The following CAMTA1 variants were observed in gnomAD, a reference collection of about 807,000 sequenced individuals.
The protein encoded by CAMTA1 is calmodulin binding transcription activator 1.
In CAMTA1, 27 loss-of-function variants were observed where a neutral mutation model predicts 170.9. That is an observed-to-expected ratio of 0.16 (90% confidence interval 0.12 to 0.22). The LOEUF (loss-of-function observed/expected upper bound fraction) is 0.22. Ranked by LOEUF, CAMTA1 falls within the 10% of genes least tolerant of loss-of-function variation. CAMTA1 has a pLI of 1.00. For missense variants in CAMTA1, 1,619 were observed against 2,217.2 expected, an observed-to-expected ratio of 0.73 and a Z score of 5.42; for synonymous variants, 833 against 891.5, an observed-to-expected ratio of 0.93 and a Z score of 1.17.
intron 3 of CAMTA1, among the ~76,000 whole-genome samples, chr1:6,884,047 C>T (rs1459337829): frequency 6.6e-6 from 1 of 152,052 alleles, no homozygotes; most frequent in Non-Finnish European, 1.5e-5. Context: ...CCTTACTGGA[C>T]AGCTCATGGG....
chr1:7,187,868 T>C (rs547150892), intron 4 of CAMTA1, among the ~76,000 whole-genome samples: 1 of 152,344 alleles, frequency 6.6e-6, no homozygotes, highest in East Asian at 1.9e-4. Context: ...GACAGCTCTT[T>C]TGATGCAGGA....
intron 7 of CAMTA1, among the ~76,000 whole-genome samples, chr1:7,655,533 T>A (rs914299631): frequency 1.1e-4 from 15 of 139,488 alleles, no homozygotes. Context: ...CCCACACACA[T>A]ACACACTGAT....
At chr1:6,898,344 G>A (rs1676110729) in intron 3 of CAMTA1, among the ~76,000 whole-genome samples, 2 of 152,152 alleles carry the variant, frequency 1.3e-5, no homozygotes, top group Non-Finnish European at 2.9e-5. Flanking sequence ...ACGAGGTCAG[G>A]AGATCGAGAC....
At chr1:6,852,613 C>T (rs1660822205) in intron 3 of CAMTA1, among the ~76,000 whole-genome samples, 4 of 152,200 alleles carry the variant, frequency 2.6e-5, no homozygotes, top group Admixed American at 2.0e-4. Flanking sequence ...TCAGGAACAG[C>T]TAAAAGAGAG....
At chr1:7,684,929 G>C (rs1290613851) in intron 11 of CAMTA1, among the ~76,000 whole-genome samples, 1 of 152,188 alleles carries the variant, frequency 6.6e-6, no homozygotes. Flanking sequence ...GTTGTGCACG[G>C]GGTTCTGCCC....
In CAMTA1 at chr1:7,674,132, G is replaced by A. The variant is rs1213439696; in HGVS notation, c.2779+3095G>A. 3.9e-5 allele frequency among the ~76,000 whole-genome samples: 6 copies of A among 152,142 alleles called. No homozygotes were observed. In the South Asian group the frequency reaches 1.2e-3, roughly 32 times the overall value. On this transcript the variant is annotated intron_variant, in intron 10 of 22. Transcript: ENST00000303635. This position sits in a 1 kb window ranked among gnomAD's most constrained non-coding sequence, Gnocchi z 4.1. ...AAGCCAGGAACGACACGGGAGGAGG[G>A]GGCACTGGCAACACAGTTGGCCAAT...
chr1:7,172,306 C>A lies in CAMTA1; in HGVS notation c.303-77185C>A, dbSNP rs188646191. On this transcript the variant is annotated intron_variant, in intron 4 of 22. Coordinates refer to ENST00000303635, the MANE Select transcript of CAMTA1 (RefSeq NM_015215.4). ...CTGGGATTACAGGTGCCTGCCACCACGCCCAGCTAATTTTTGTATTTTTAG... is the reference window on the plus strand; with the variant it reads ...CTGGGATTACAGGTGCCTGCCACCAAGCCCAGCTAATTTTTGTATTTTTAG... Among the ~76,000 whole-genome samples the A allele has an allele frequency of 1.9e-3, 290 of 152,228 alleles. 7 individuals carry two copies. The South Asian group carries it at 0.041, about 22-fold the overall frequency.
chr1:7,704,951 C>T (rs1271458677), intron 11 of CAMTA1, among the ~76,000 whole-genome samples: 2 of 98,686 alleles, frequency 2.0e-5, no homozygotes, highest in African/African-American at 3.6e-5. Context: ...AGGGCGGCGG[C>T]CGGCGGGGGC....
In CAMTA1 at chr1:7,028,140, G is replaced by C. The variant is rs188357240; in HGVS notation, c.235-63164G>C. Among the ~76,000 whole-genome samples the C allele has an allele frequency of 9.5e-4, 144 of 152,170 alleles. 2 individuals are homozygous for C. The highest frequency in any genetic ancestry group is 1.5e-3 in the Non-Finnish European group (99 of 67,996). ...GGCTGGTCTCGAACTCCTGAATTCA[G>C]GGGATCCACCCACCTCAGCCTCCCA... On this transcript the variant is annotated intron_variant, in intron 3 of 22. Transcript: ENST00000303635.
chr1:7,502,064 C>G (rs1293484852), intron 6 of CAMTA1, among the ~76,000 whole-genome samples: 1 of 152,232 alleles, frequency 6.6e-6, no homozygotes, highest in Non-Finnish European at 1.5e-5. Context: ...AAGGCGCCTG[C>G]TGGTTTTCTG....
chr1:7,692,546 A>G (rs2096328954), intron 11 of CAMTA1, among the ~76,000 whole-genome samples: 1 of 152,108 alleles, frequency 6.6e-6, no homozygotes. Flanking sequence ...TGAATGAATG[A>G]GTGAGTAGGT....
rs532215496 is a variant in CAMTA1, at chr1:7,233,368, G to A, written c.303-16123G>A. Among the ~76,000 whole-genome samples, 191 of 152,264 alleles carry A rather than the reference G, an allele frequency of 1.3e-3. 1 individual carries two copies. The highest frequency in any genetic ancestry group is 4.4e-3 in the African/African-American group (182 of 41,544). ...AGGGCTCCCATCACTGTGCTGGGAT[G>A]GGGCTTACGTGACCTGGCTGCACCA... On this transcript the variant is annotated intron_variant, in intron 4 of 22. Transcript: ENST00000303635.
intron 4 of CAMTA1, among the ~76,000 whole-genome samples, chr1:7,109,299 C>T (rs766754511): frequency 4.3e-4 from 65 of 152,280 alleles, no homozygotes; most frequent in Non-Finnish European, 7.9e-4. Flanking sequence ...ATGCTGCTGC[C>T]GCACTATGCA....
intron 4 of CAMTA1, among the ~76,000 whole-genome samples, chr1:7,187,948 T>G (rs1482899600): frequency 6.6e-6 from 1 of 152,224 alleles, no homozygotes; most frequent in Non-Finnish European, 1.5e-5. Flanking sequence ...CTGGGTAATT[T>G]ACAAAGGAAA....
chr1:7,476,975 A>AGAC (rs894501695), intron 6 of CAMTA1, among the ~76,000 whole-genome samples: 5 of 152,324 alleles, frequency 3.3e-5, no homozygotes, highest in African/African-American at 9.6e-5. Flanking sequence ...GGCTGGCTGA[A>AGAC]GACCCAGACA....
intron 4 of CAMTA1, among the ~76,000 whole-genome samples, chr1:7,124,624 A>G (rs760215823): frequency 1.6e-4 from 24 of 152,194 alleles, no homozygotes; most frequent in East Asian, 7.7e-4. Flanking sequence ...GGGATGCCCA[A>G]TGGATTTGCT....
chr1:6,930,774 T>C (rs1684258859), intron 3 of CAMTA1, among the ~76,000 whole-genome samples: 1 of 152,212 alleles, frequency 6.6e-6, no homozygotes, highest in Non-Finnish European at 1.5e-5. Context: ...GGAAAAATGC[T>C]CATTGGCTCT....
chr1:7,359,690 G>T (rs1234988393), intron 5 of CAMTA1, among the ~76,000 whole-genome samples: 2 of 152,186 alleles, frequency 1.3e-5, no homozygotes, highest in Non-Finnish European at 2.9e-5. Context: ...ATACCCAGAT[G>T]CAACAGCTTC....
At chr1:7,105,362 TATC>T (rs1173613917) in intron 4 of CAMTA1, among the ~76,000 whole-genome samples, 4 of 152,234 alleles carry the variant, frequency 2.6e-5, no homozygotes, top group African/African-American at 9.6e-5. Context: ...AGTTCGGGCT[TATC>T]ATCTGGAAAG....
Sources: gnomAD v4.1 joint callset for allele counts (sites outside exome capture counted in the v4.1 genomes callset) on GRCh38, gnomAD v4.1.1 for gene constraint, Gnocchi (gnomAD v3.1) non-coding constraint, MANE v1.5 for transcripts, NCBI Gene and HGNC (gene_info 2026-07-23, HGNC 2026-07-21) for gene names.